GABBR2: variants seen among roughly 807,000 people sequenced by gnomAD.
The protein encoded by GABBR2 is G-protein coupled receptor 51.
Under a neutral mutation model 105.6 loss-of-function variants are expected in GABBR2, and 23 were observed. The observed-to-expected ratio is 0.22, with a 90% CI of 0.16 to 0.31. GABBR2 has a LOEUF of 0.31. Among genes scored for constraint, GABBR2 ranks in the 10% least tolerant of loss-of-function variants. The pLI is 1.00. For synonymous variants in GABBR2, 478 were observed against 499.7 expected, an observed-to-expected ratio of 0.96 and a Z score of 0.58; for missense variants, 734 against 1,245.5, an observed-to-expected ratio of 0.59 and a Z score of 6.18.
At chr9:98,501,386 A>G (rs972836258) in intron 3 of GABBR2, among the ~76,000 whole-genome samples, 3 of 152,106 alleles carry the variant, frequency 2.0e-5, no homozygotes, top group Non-Finnish European at 4.4e-5. Context: ...GCTGGTTTCA[A>G]ACTCTTGACC....
chr9:98,305,505 T>C (rs1350228407), intron 15 of GABBR2, among the ~76,000 whole-genome samples: 2 of 152,260 alleles, frequency 1.3e-5, no homozygotes, highest in Non-Finnish European at 2.9e-5. Flanking sequence ...GCTATAGTTA[T>C]GGCCATATCT....
intron 1 of GABBR2, among the ~76,000 whole-genome samples, chr9:98,598,724 C>T (rs1178609060): frequency 2.0e-5 from 3 of 152,086 alleles, no homozygotes; most frequent in African/African-American, 4.8e-5. Context: ...GCATCTGGAA[C>T]GGGCTTCCAC....
chr9:98,356,016 T>C (rs1303427530), intron 13 of GABBR2, among the ~76,000 whole-genome samples: 1 of 151,760 alleles, frequency 6.6e-6, no homozygotes, highest in Non-Finnish European at 1.5e-5. Flanking sequence ...GCAAAAGGAG[T>C]CTAGACATAG....
chr9:98,696,623 C>T (rs1175279394), intron 1 of GABBR2, among the ~76,000 whole-genome samples: 1 of 152,222 alleles, frequency 6.6e-6, no homozygotes, highest in Non-Finnish European at 1.5e-5. Flanking sequence ...CACTGTGTAA[C>T]AAACCCAGAG....
chr9:98,621,631 G>A (rs1479013152), intron 1 of GABBR2, among the ~76,000 whole-genome samples: 1 of 152,110 alleles, frequency 6.6e-6, no homozygotes, highest in Non-Finnish European at 1.5e-5. Flanking sequence ...CCTTTACAAC[G>A]GGAGCCAAAT....
intron 13 of GABBR2, among the ~76,000 whole-genome samples, chr9:98,356,006 G>A (rs79902029): frequency 7.1e-4 from 108 of 152,274 alleles, no homozygotes; most frequent in African/African-American, 2.5e-3. Context: ...TGGACAACAC[G>A]CAAAAGGAGT....
At chr9:98,500,295 T>C (rs1827373137) in intron 3 of GABBR2, among the ~76,000 whole-genome samples, 1 of 152,212 alleles carries the variant, frequency 6.6e-6, no homozygotes, top group South Asian at 2.1e-4. Flanking sequence ...ATCTGCATAT[T>C]GGGCCAAGTG....
At chr9:98,696,612 A>G (rs1309549038) in intron 1 of GABBR2, among the ~76,000 whole-genome samples, 1 of 152,220 alleles carries the variant, frequency 6.6e-6, no homozygotes, top group South Asian at 2.1e-4. Context: ...TTATCTCCCT[A>G]CACTGTGTAA....
intron 2 of GABBR2, among the ~76,000 whole-genome samples, chr9:98,570,267 C>T (rs1197467974): frequency 1.3e-5 from 2 of 152,172 alleles, no homozygotes; most frequent in South Asian, 2.1e-4. Flanking sequence ...TGTCGAGGGG[C>T]GGCTGGGGAC....
intron 1 of GABBR2, among the ~76,000 whole-genome samples, chr9:98,642,901 T>C (rs1442859127): frequency 6.6e-6 from 1 of 152,182 alleles, no homozygotes; most frequent in Non-Finnish European, 1.5e-5. Flanking sequence ...CACCATAGTT[T>C]CCCACACGAG....
chr9:98,371,223 C>A (rs992900990), intron 12 of GABBR2, among the ~76,000 whole-genome samples: 3 of 152,160 alleles, frequency 2.0e-5, no homozygotes, highest in Non-Finnish European at 4.4e-5. Flanking sequence ...CATGAAGCCT[C>A]CCTTGAGTGT....
intron 11 of GABBR2, among the ~76,000 whole-genome samples, chr9:98,383,043 C>A (rs1197384456): frequency 2.0e-5 from 3 of 152,114 alleles, no homozygotes; most frequent in Non-Finnish European, 4.4e-5. Context: ...CAGGTTCAAG[C>A]GATTCTCCTG....
At chr9:98,509,361 AC>A (rs1435071477) in intron 3 of GABBR2, among the ~76,000 whole-genome samples, 2 of 152,170 alleles carry the variant, frequency 1.3e-5, no homozygotes. Context: ...AAATCAGAGC[AC>A]CTCTCCTCCT....
intron 1 of GABBR2, among the ~76,000 whole-genome samples, chr9:98,638,897 T>C (rs1035421476): frequency 1.3e-4 from 20 of 152,354 alleles, no homozygotes; most frequent in African/African-American, 4.8e-4. Context: ...GAATGCACAC[T>C]TACACATAGA....
At chr9:98,434,636 C>T (rs957141519) in intron 7 of GABBR2, among the ~76,000 whole-genome samples, 13 of 152,172 alleles carry the variant, frequency 8.5e-5, no homozygotes, top group African/African-American at 3.1e-4. Context: ...ACCACTGGGC[C>T]CAGTTGACCA....
chr9:98,332,506 T>A (rs1831045731), intron 13 of GABBR2, among the ~76,000 whole-genome samples: 1 of 152,040 alleles, frequency 6.6e-6, no homozygotes, highest in Admixed American at 6.5e-5. Flanking sequence ...CTCAGAGAGG[T>A]TAAGTCACTC....
chr9:98,314,582 A>C (rs1190415703), intron 13 of GABBR2, among the ~76,000 whole-genome samples: 4 of 152,154 alleles, frequency 2.6e-5, no homozygotes, highest in Non-Finnish European at 5.9e-5. Context: ...TACACACTGC[A>C]GTGGCAGGGA....
chr9:98,431,815 C>T (rs931787047), intron 7 of GABBR2, among the ~76,000 whole-genome samples: 1 of 152,112 alleles, frequency 6.6e-6, no homozygotes, highest in Non-Finnish European at 1.5e-5. Context: ...CCTGCCTCAG[C>T]CTCCCAAGTA....
At chr9:98,648,200 C>T (rs367803600) in intron 1 of GABBR2, among the ~76,000 whole-genome samples, 47 of 151,720 alleles carry the variant, frequency 3.1e-4, no homozygotes, top group Non-Finnish European at 5.4e-4. Flanking sequence ...GGCGCGATCT[C>T]GGCTCACTGC....
Sources: gnomAD v4.1 joint callset for allele counts (sites outside exome capture counted in the v4.1 genomes callset) on GRCh38, gnomAD v4.1.1 for gene constraint, MANE v1.5 for transcripts, NCBI Gene and HGNC (gene_info 2026-07-23, HGNC 2026-07-21) for gene names.